Variants in PARD3B observed in about 807,000 individuals in gnomAD.
PARD3B encodes the protein par-3 family cell polarity regulator beta.
A neutral mutation model predicts 130.2 loss-of-function variants in PARD3B; 103 were observed. The observed-to-expected ratio is 0.79, with a 90% CI of 0.67 to 0.93. The LOEUF is 0.93. PARD3B is among the 40% of genes least tolerant of loss of function. PARD3B has a pLI of 0.00. For missense variants in PARD3B, 1,609 were observed against 1,499.2 expected (o/e 1.07, Z -1.21); for synonymous variants, 583 against 553.2 (o/e 1.05, Z -0.76).
chr2:204,567,020 A>G (rs1282420165), intron 1 of PARD3B, among the ~76,000 whole-genome samples: 2 of 151,996 alleles, frequency 1.3e-5, no homozygotes, highest in African/African-American at 4.8e-5. Flanking sequence ...CTGGGATTAC[A>G]GGTGCCCACC....
chr2:205,257,940 C>T (rs537625740), intron 16 of PARD3B, among the ~76,000 whole-genome samples: 7 of 152,228 alleles, frequency 4.6e-5, no homozygotes, highest in South Asian at 2.1e-4. Flanking sequence ...TTTTCCTGTC[C>T]GTAGTCAAAT....
At position 205,530,490 on chromosome 2, in the gene PARD3B, G is replaced by A. The variant is rs191731703; in HGVS notation, c.3181-22834G>A. Among the ~76,000 whole-genome samples the A allele has an allele frequency of 2.9e-4, 44 of 152,240 alleles. 1 individual carries two copies. The highest frequency in any genetic ancestry group is 6.8e-3 in the Middle Eastern group (2 of 294). On this transcript the variant is annotated intron_variant, in intron 21 of 22. Transcript: ENST00000406610. The surrounding 1 kb of genome is among the most constrained non-coding windows in gnomAD (Gnocchi z 4.7). Reference sequence around the variant, plus strand: ...TTTTGTTTTTATTTTCTCCTTTTCTGCTTTGTCTGCTTTCTTCCAGAATAC... The same window carrying A: ...TTTTGTTTTTATTTTCTCCTTTTCTACTTTGTCTGCTTTCTTCCAGAATAC...
chr2:205,311,385 G>T (rs1382732335), intron 18 of PARD3B, among the ~76,000 whole-genome samples: 1 of 151,932 alleles, frequency 6.6e-6, no homozygotes, highest in Non-Finnish European at 1.5e-5. Flanking sequence ...ATGTCTCATT[G>T]TGGTTTTAAT....
chr2:205,275,633 C>T (rs2040912080), intron 16 of PARD3B, among the ~76,000 whole-genome samples: 2 of 151,830 alleles, frequency 1.3e-5, no homozygotes, highest in Non-Finnish European at 2.9e-5. Context: ...GTCAGAAGTT[C>T]GAGACCAGCC....
At chr2:205,251,251 A>C (rs1167776959) in intron 16 of PARD3B, among the ~76,000 whole-genome samples, 1 of 152,116 alleles carries the variant, frequency 6.6e-6, no homozygotes, top group Non-Finnish European at 1.5e-5. Flanking sequence ...GTTTCCTTAC[A>C]TGTATGTGTG....
intron 1 of PARD3B, among the ~76,000 whole-genome samples, chr2:204,590,940 G>A (rs997674439): frequency 4.6e-5 from 7 of 152,150 alleles, no homozygotes; most frequent in African/African-American, 1.7e-4. Flanking sequence ...TAGGCAGTGA[G>A]ACTTTTTCTG....
In PARD3B at chr2:205,550,352, TC is replaced by T. The variant is rs2052563618; in HGVS notation, c.3181-2970del. Reference sequence around the variant, plus strand: ...TACCACAATTGTTTGCAGGCCTGTTTCCATGAGGAGACCCGCTGGATTTCTT... The same window carrying T: ...TACCACAATTGTTTGCAGGCCTGTTTCATGAGGAGACCCGCTGGATTTCTT... On this transcript the variant is annotated intron_variant, in intron 21 of 22. Transcript: ENST00000406610. This position sits in a 1 kb window ranked among gnomAD's most constrained non-coding sequence, Gnocchi z 4.5. Among the ~76,000 whole-genome samples the T allele has an allele frequency of 6.6e-6, 1 of 152,204 alleles. No homozygotes were observed. The highest frequency in any genetic ancestry group is 1.5e-5 in the Non-Finnish European group (1 of 68,042).
chr2:205,561,446 G>C (rs1431256799), intron 22 of PARD3B, among the ~76,000 whole-genome samples: 1 of 152,174 alleles, frequency 6.6e-6, no homozygotes, highest in Admixed American at 6.5e-5. Context: ...AGGTTTGACT[G>C]TCTGGGTCTG....
intron 1 of PARD3B, among the ~76,000 whole-genome samples, chr2:204,574,824 T>C (rs1307101024): frequency 2.0e-5 from 3 of 152,190 alleles, no homozygotes; most frequent in African/African-American, 7.2e-5. Context: ...CTCTTCCCAG[T>C]AGCTACATGG....
intron 2 of PARD3B, among the ~76,000 whole-genome samples, chr2:204,749,834 C>A (rs948262072): frequency 6.6e-6 from 1 of 152,122 alleles, no homozygotes; most frequent in Non-Finnish European, 1.5e-5. Flanking sequence ...TCGCCTCATA[C>A]GGCATGCTGG....
intron 1 of PARD3B, among the ~76,000 whole-genome samples, chr2:204,609,343 A>G (rs2033842797): frequency 6.6e-6 from 1 of 152,230 alleles, no homozygotes; most frequent in Non-Finnish European, 1.5e-5. Flanking sequence ...AAATATTTCA[A>G]AAGGCTTATT....
At chr2:204,795,083 C>T (rs975453877) in intron 2 of PARD3B, among the ~76,000 whole-genome samples, 16 of 152,040 alleles carry the variant, frequency 1.1e-4, no homozygotes, top group Admixed American at 4.6e-4. Context: ...AAACAATGAT[C>T]GGGTTAAATG....
At chr2:205,088,548 G>T (rs1701883154) in intron 4 of PARD3B, among the ~76,000 whole-genome samples, 1 of 152,080 alleles carries the variant, frequency 6.6e-6, no homozygotes, top group Non-Finnish European at 1.5e-5. Context: ...AGAATTCAGA[G>T]GAAGAGAAAA....
chr2:205,320,457 A>G (rs937436426), intron 18 of PARD3B, among the ~76,000 whole-genome samples: 5 of 152,172 alleles, frequency 3.3e-5, no homozygotes, highest in Admixed American at 6.5e-5. Flanking sequence ...ACTGTCTATC[A>G]TGTTTTATTC....
chr2:205,576,058 G>A (rs1023120863), intron 22 of PARD3B, among the ~76,000 whole-genome samples: 1 of 152,064 alleles, frequency 6.6e-6, no homozygotes, highest in Non-Finnish European at 1.5e-5. Flanking sequence ...ATTTCTAATT[G>A]TGGCCATCCT....
At position 204,689,721 on chromosome 2, in the gene PARD3B, A is replaced by G. The variant is rs2037266876; in HGVS notation, c.222+3439A>G. The stretch of plus-strand genomic sequence containing the variant: ...AGTGTTATCCCTATTTTTAATTTCC[A>G]GAATAATCACAGAAATTGTAAGTAA... On this transcript the variant is annotated intron_variant, in intron 2 of 22. Transcript: ENST00000406610. This position sits in a 1 kb window ranked among gnomAD's most constrained non-coding sequence, Gnocchi z 5.2. Among the ~76,000 whole-genome samples the G allele has an allele frequency of 6.6e-6, 1 of 152,116 alleles. No individual in the cohort carries two copies. Among genetic ancestry groups the G allele is most frequent in the Non-Finnish European group, 1.5e-5 (1 of 68,018 alleles).
At chr2:205,110,094 A>G (rs1035635059) in intron 5 of PARD3B, among the ~76,000 whole-genome samples, 1 of 152,182 alleles carries the variant, frequency 6.6e-6, no homozygotes, top group Non-Finnish European at 1.5e-5. Context: ...CATGTGAATC[A>G]TGATTTTCTT....
chr2:205,427,514 T>C (rs2047183738), intron 19 of PARD3B, among the ~76,000 whole-genome samples: 2 of 152,214 alleles, frequency 1.3e-5, no homozygotes, highest in South Asian at 2.1e-4. Context: ...TCTATTACTA[T>C]GTAAAAAAGC....
At chr2:204,670,196 G>A (rs1000267126) in intron 1 of PARD3B, among the ~76,000 whole-genome samples, 1 of 152,152 alleles carries the variant, frequency 6.6e-6, no homozygotes, top group Non-Finnish European at 1.5e-5. Flanking sequence ...GGTTGGCAAA[G>A]TTATCTGTAA....
Sources: gnomAD v4.1 joint callset for allele counts (sites outside exome capture counted in the v4.1 genomes callset) on GRCh38, gnomAD v4.1.1 for gene constraint, Gnocchi (gnomAD v3.1) non-coding constraint, MANE v1.5 for transcripts, NCBI Gene and HGNC (gene_info 2026-07-23, HGNC 2026-07-21) for gene names.